Variants in ANO4 observed in about 807,000 individuals in gnomAD.
The protein encoded by ANO4 is anoctamin-4.
A neutral mutation model predicts 141.9 loss-of-function variants in ANO4; 69 were observed. That is an observed-to-expected ratio of 0.49 (90% CI 0.40 to 0.59). The LOEUF is 0.59. ANO4 is among the 20% of genes least tolerant of loss of function. The pLI, the probability that ANO4 is intolerant of heterozygous loss-of-function variation, is 0.00. For missense variants in ANO4, 894 were observed against 1,162.2 expected, an observed-to-expected ratio of 0.77 and a Z score of 3.36; for synonymous variants, 350 against 394.3, an observed-to-expected ratio of 0.89 and a Z score of 1.33.
chr12:100,994,018 A>C (rs1346080457), intron 8 of ANO4, among the ~76,000 whole-genome samples: 1 of 152,136 alleles, frequency 6.6e-6, no homozygotes, highest in African/African-American at 2.4e-5. Context: ...AGTCCTGTGC[A>C]GTGTAGGATA....
intron 14 of ANO4, chr12:101,068,502 A>G (rs2048684876): frequency 7.5e-6 from 8 of 1,061,768 alleles, no homozygotes; most frequent in Non-Finnish European, 1.2e-5. Context: ...AAAGATCGCA[A>G]CTTTCATATT....
chr12:100,731,176 C>T (rs942073407), intron 1 of ANO4, among the ~76,000 whole-genome samples: 1 of 152,140 alleles, frequency 6.6e-6, no homozygotes, highest in Non-Finnish European at 1.5e-5. Flanking sequence ...TTACTTCTTC[C>T]CCTCAGACCT....
At chr12:101,035,153 A>G (rs1272344690) in intron 9 of ANO4, among the ~76,000 whole-genome samples, 2 of 152,226 alleles carry the variant, frequency 1.3e-5, no homozygotes, top group African/African-American at 4.8e-5. Context: ...CCAAATGTCT[A>G]TCATCAGGAG....
intron 3 of ANO4, among the ~76,000 whole-genome samples, chr12:100,785,503 GC>G (rs762159531): frequency 5.3e-5 from 8 of 152,136 alleles, no homozygotes; most frequent in Non-Finnish European, 1.2e-4. Flanking sequence ...ATCATATGTA[GC>G]CTTCTCAGAT....
chr12:101,079,467 A>G (rs1462618737), intron 15 of ANO4, among the ~76,000 whole-genome samples, 192 bp downstream of exon 15: 2 of 152,106 alleles, frequency 1.3e-5, no homozygotes, highest in African/African-American at 4.8e-5. Context: ...TTGATTCCTT[A>G]GTGGAATCAA....
At chr12:100,795,176 C>T (rs532266698) in intron 1 of ANO4, 149 bp downstream of exon 1, 8 of 152,738 alleles carry the variant, frequency 5.2e-5, no homozygotes, top group African/African-American at 1.9e-4. Flanking sequence ...TCAAAAATGC[C>T]AGGGGTCATT....
chr12:100,912,892 G>A (rs368764689), intron 2 of ANO4, among the ~76,000 whole-genome samples: 1 of 152,186 alleles, frequency 6.6e-6, no homozygotes, highest in East Asian at 1.9e-4. Flanking sequence ...AGAACAGTTA[G>A]TGCTGTGGTT....
chr12:100,955,257 C>T (rs923346640), intron 5 of ANO4, among the ~76,000 whole-genome samples: 4 of 152,198 alleles, frequency 2.6e-5, no homozygotes, highest in Non-Finnish European at 4.4e-5. Context: ...GGACAGCTTC[C>T]GTCTGCTCCA....
intron 3 of ANO4, among the ~76,000 whole-genome samples, chr12:100,779,312 G>A (rs979297727): frequency 6.6e-6 from 1 of 152,178 alleles, no homozygotes; most frequent in Non-Finnish European, 1.5e-5. Flanking sequence ...ATTGATTCCA[G>A]CTTCTTCTAG....
At chr12:100,800,342 C>T (rs1427266284) in intron 1 of ANO4, among the ~76,000 whole-genome samples, 2 of 152,204 alleles carry the variant, frequency 1.3e-5, no homozygotes, top group Non-Finnish European at 2.9e-5. Context: ...GACACATCCA[C>T]TCCTCTTGAG....
Position 100,758,144 on chromosome 12 carries a change from A to G in ANO4, c.358+18039A>G, listed in dbSNP as rs565627609. ...TTCAGCCTCCAGCTTGTCTAACTGC[A>G]ATGCTCTGATTCAGAATTGCACTGC... On this transcript the variant is annotated intron_variant, in intron 3 of 29. Transcript: ENST00000644049. Among the ~76,000 whole-genome samples the G allele has an allele frequency of 2.6e-5, 4 of 152,296 alleles. No homozygotes were observed. The South Asian group carries it at 8.3e-4, about 32-fold the overall frequency.
At chr12:100,753,232 T>C (rs917660205) in intron 3 of ANO4, among the ~76,000 whole-genome samples, 6 of 152,178 alleles carry the variant, frequency 3.9e-5, no homozygotes, top group African/African-American at 1.4e-4. Context: ...GCAGAATGTC[T>C]TATTCTCAGT....
At chr12:101,111,299 G>C (rs2050656438) in intron 23 of ANO4, among the ~76,000 whole-genome samples, 1 of 152,090 alleles carries the variant, frequency 6.6e-6, no homozygotes, top group Non-Finnish European at 1.5e-5. Context: ...CTATCAGATG[G>C]TATTTTGGTG....
chr12:100,993,746 A>G (rs2045245980), intron 8 of ANO4, among the ~76,000 whole-genome samples: 1 of 152,172 alleles, frequency 6.6e-6, no homozygotes, highest in Non-Finnish European at 1.5e-5. Flanking sequence ...AGTGGTATAT[A>G]GCACTTTCAC....
chr12:101,081,835 A>T (rs1484496731), intron 15 of ANO4, among the ~76,000 whole-genome samples: 2 of 152,124 alleles, frequency 1.3e-5, no homozygotes, highest in Non-Finnish European at 2.9e-5. Flanking sequence ...GTGTCTTCAC[A>T]TCGTCTTCCC....
At chr12:101,036,954 T>C in intron 9 of ANO4, 141 bp from the exon 10 acceptor site, 1 of 675,358 alleles carries the variant, frequency 1.5e-6, no homozygotes, top group Non-Finnish European at 2.4e-6. Context: ...GCAGCAGAGC[T>C]TTTTTTCTAA....
At chr12:100,981,347 C>G (rs1407169677) in intron 7 of ANO4, among the ~76,000 whole-genome samples, 1 of 151,660 alleles carries the variant, frequency 6.6e-6, no homozygotes, top group Non-Finnish European at 1.5e-5. Flanking sequence ...AAATGAAAAA[C>G]AAATTCATGC....
chr12:101,066,461 A>G (rs2048592749), intron 14 of ANO4, among the ~76,000 whole-genome samples: 1 of 152,254 alleles, frequency 6.6e-6, no homozygotes, highest in Non-Finnish European at 1.5e-5. Context: ...TCTATATGCC[A>G]GCAGTGAACA....
intron 8 of ANO4, among the ~76,000 whole-genome samples, chr12:101,009,782 G>C (rs1202900468): frequency 6.6e-6 from 1 of 151,974 alleles, no homozygotes; most frequent in Non-Finnish European, 1.5e-5. Context: ...AAATTTTCTT[G>C]AATAATTCTT....
Sources: gnomAD v4.1 joint callset for allele counts (sites outside exome capture counted in the v4.1 genomes callset) on GRCh38, gnomAD v4.1.1 for gene constraint, MANE v1.5 for transcripts, NCBI Gene and HGNC (gene_info 2026-07-23, HGNC 2026-07-21) for gene names.